Variants in FAM178B observed in about 807,000 individuals in gnomAD.
FAM178B encodes the protein family with sequence similarity 178 member B.
A neutral mutation model predicts 91.7 loss-of-function variants in FAM178B; 82 were observed. That is an observed-to-expected ratio of 0.89 (90% CI 0.75 to 1.07). The LOEUF (loss-of-function observed/expected upper bound fraction) is 1.07. Ranked by LOEUF, FAM178B falls within the 50% of genes least tolerant of loss-of-function variation. The pLI, the probability that FAM178B is intolerant of heterozygous loss-of-function variation, is 0.00. For missense variants in FAM178B, 769 were observed against 846.7 expected, an observed-to-expected ratio of 0.91 and a Z score of 1.14; for synonymous variants, 368 against 359.4, an observed-to-expected ratio of 1.02 and a Z score of -0.27.
intron 12 of FAM178B, among the ~76,000 whole-genome samples, chr2:96,905,854 ATATATATTTTTTTTTTTTTTT>A (rs1359160154): frequency 4.2e-4 from 9 of 21,664 alleles, no homozygotes; most frequent in African/African-American, 1.2e-3. Context: ...ATATATATAT[ATATATATTTTTTTTTTTTTTT>A]TTTTTTTTTT....
At chr2:96,981,783 T>C (rs1009434035) in intron 1 of FAM178B, among the ~76,000 whole-genome samples, 8 of 148,632 alleles carry the variant, frequency 5.4e-5, no homozygotes, top group African/African-American at 2.0e-4. Flanking sequence ...AACTGTCCTC[T>C]AGGCTGGGCA....
In FAM178B at chr2:96,972,189, T is replaced by C. The variant is rs1272059747; in HGVS notation, c.276A>G (p.Thr92=). Residue 92 remains threonine, a synonymous_variant, in exon 3 of 17, where the codon ACA becomes ACG. Transcript: ENST00000490605. ...CCTGTATCTTGGGCTTCTTTGGCGA[T>C]GTGGGAGCTGGAGCCGAGGCAGGGC... is the stretch of plus-strand genomic sequence containing the variant. ...PCSPASAPAP[T]SPKKPKIQAP... The C allele has an allele frequency of 3.9e-6, 6 of 1,546,836 alleles. No individual in the cohort carries two copies. Among genetic ancestry groups the C allele is most frequent in the Non-Finnish European group, 5.2e-6 (6 of 1,145,038 alleles).
chr2:96,901,707 G>A (rs2080936315), intron 13 of FAM178B, among the ~76,000 whole-genome samples: 1 of 152,282 alleles, frequency 6.6e-6, no homozygotes, highest in East Asian at 1.9e-4. Flanking sequence ...AGTTGAAAGA[G>A]TTATGGAGAT....
At chr2:96,929,035 G>C (rs1485360671) in intron 9 of FAM178B, among the ~76,000 whole-genome samples, 171 bp downstream of exon 9, 1 of 152,156 alleles carries the variant, frequency 6.6e-6, no homozygotes, top group Non-Finnish European at 1.5e-5. Flanking sequence ...GTGCGTACCT[G>C]TAGTCCCAGC....
intron 14 of FAM178B, among the ~76,000 whole-genome samples, chr2:96,886,890 G>A (rs2314652): frequency 2.6e-5 from 4 of 151,884 alleles, no homozygotes; most frequent in Non-Finnish European, 5.9e-5. Context: ...CCACCGTGTC[G>A]TGTTAACACC....
At chr2:96,938,959 C>CT (rs1248336304) in intron 8 of FAM178B, 3 of 152,290 alleles carry the variant, frequency 2.0e-5, no homozygotes, top group East Asian at 3.9e-4. Flanking sequence ...ATCCCAGCAC[C>CT]TGGGAGGCTG....
At chr2:96,921,291 CAGG>C in intron 11 of FAM178B, 29 bp from the exon 12 acceptor site, 1 of 1,546,558 alleles carries the variant, frequency 6.5e-7, no homozygotes, top group Non-Finnish European at 8.8e-7. Flanking sequence ...CCATGGGCTA[CAGG>C]AGGACACCGC....
chr2:96,911,201 C>T (rs887270047), intron 12 of FAM178B, among the ~76,000 whole-genome samples: 1 of 152,198 alleles, frequency 6.6e-6, no homozygotes. Context: ...AGTACGGCCA[C>T]AGCACCTGTC....
intron 8 of FAM178B, among the ~76,000 whole-genome samples, chr2:96,936,271 T>G (rs745615307): frequency 9.2e-5 from 14 of 152,156 alleles, no homozygotes; most frequent in Middle Eastern, 3.4e-3. Flanking sequence ...GCATGATCTC[T>G]GCTCACTGTA....
At chr2:96,912,063 C>T (rs915416239) in intron 12 of FAM178B, among the ~76,000 whole-genome samples, 1 of 152,112 alleles carries the variant, frequency 6.6e-6, no homozygotes, top group Non-Finnish European at 1.5e-5. Context: ...TGGATATTAG[C>T]AAGCAGGGAA....
intron 5 of FAM178B, among the ~76,000 whole-genome samples, chr2:96,966,563 C>T (rs373626227): frequency 6.6e-6 from 1 of 152,142 alleles, no homozygotes; most frequent in East Asian, 1.9e-4. Context: ...AGCAGAGCCT[C>T]GCACATAGTT....
chr2:96,947,751 T>G, intron 8 of FAM178B, 67 bp downstream of exon 8: 6 of 924,318 alleles, frequency 6.5e-6, no homozygotes, highest in Non-Finnish European at 1.0e-5. Flanking sequence ...CTCTGGGCAC[T>G]GAGAGTCACG....
At chr2:96,949,887 C>T in intron 7 of FAM178B, 1 of 735,582 alleles carries the variant, frequency 1.4e-6, no homozygotes, top group Non-Finnish European at 1.7e-6. Context: ...GCCCATCAGG[C>T]CTGGCTCCGA....
intron 12 of FAM178B, among the ~76,000 whole-genome samples, chr2:96,920,493 G>A (rs1254295165): frequency 5.3e-5 from 8 of 152,176 alleles, no homozygotes; most frequent in Admixed American, 1.3e-4. Context: ...CCAGCTACTC[G>A]GGAGGCTGAG....
chr2:96,958,067 CTTT>C (rs66515058), intron 6 of FAM178B, among the ~76,000 whole-genome samples: 19 of 101,334 alleles, frequency 1.9e-4, no homozygotes, highest in Admixed American at 4.2e-4. Flanking sequence ...TTTGAAGAAT[CTTT>C]TTTTTTTTTT....
chr2:96,903,206 A>AT (rs1269163349), intron 12 of FAM178B, among the ~76,000 whole-genome samples: 3 of 152,052 alleles, frequency 2.0e-5, no homozygotes, highest in Non-Finnish European at 4.4e-5. Context: ...TGCACGGCTG[A>AT]TTTTTTGTAT....
chr2:96,947,143 C>A (rs1373318390), intron 8 of FAM178B, among the ~76,000 whole-genome samples: 1 of 152,114 alleles, frequency 6.6e-6, no homozygotes, highest in Non-Finnish European at 1.5e-5. Context: ...TTTTTTGGTG[C>A]CAAAGTGTCT....
intron 13 of FAM178B, among the ~76,000 whole-genome samples, chr2:96,895,987 C>T (rs1022730870): frequency 1.3e-5 from 2 of 152,218 alleles, no homozygotes; most frequent in Non-Finnish European, 2.9e-5. Context: ...GAGGAAGGTT[C>T]TGGGCGAAGG....
intron 1 of FAM178B, among the ~76,000 whole-genome samples, chr2:96,984,375 G>A (rs532090096): frequency 2.2e-4 from 34 of 152,318 alleles, no homozygotes; most frequent in African/African-American, 8.2e-4. Flanking sequence ...CAGGCAGTAT[G>A]CTGAGCATTG....
Sources: gnomAD v4.1 joint callset for allele counts (sites outside exome capture counted in the v4.1 genomes callset) on GRCh38, gnomAD v4.1.1 for gene constraint, MANE v1.5 for transcripts, NCBI Gene and HGNC (gene_info 2026-07-23, HGNC 2026-07-21) for gene names.